The following LRRK2 variants were observed in gnomAD, a reference collection of about 807,000 sequenced individuals.
LRRK2 encodes the protein leucine rich repeat kinase 2.
LRRK2 carries 203 observed loss-of-function variants against 302.6 expected under a neutral mutation model. The ratio of observed to expected loss-of-function variants is 0.67; its 90% CI spans 0.60 to 0.75. LRRK2 has a LOEUF of 0.75. Among genes scored for constraint, LRRK2 ranks in the 30% least tolerant of loss-of-function variants. The pLI, the probability that LRRK2 is intolerant of heterozygous loss-of-function variation, is 0.00. For missense variants in LRRK2, 2,830 were observed against 2,951.0 expected, an observed-to-expected ratio of 0.96 and a Z score of 0.95; for synonymous variants, 1,066 against 1,031.9, an observed-to-expected ratio of 1.03 and a Z score of -0.63.
At chr12:40,329,518 A>G (rs1945649517) in intron 39 of LRRK2, among the ~76,000 whole-genome samples, 1 of 152,172 alleles carries the variant, frequency 6.6e-6, no homozygotes, top group African/African-American at 2.4e-5. Context: ...TCTGAGAACA[A>G]AACCAATAAA....
At chr12:40,309,281 TGTGC>T (rs1182030513) in intron 30 of LRRK2, 48 bp downstream of exon 30, 2 of 1,521,640 alleles carry the variant, frequency 1.3e-6, no homozygotes, top group South Asian at 1.1e-5. Context: ...CATGTGTCTG[TGTGC>T]GTGTGTGTGT....
intron 33 of LRRK2, among the ~76,000 whole-genome samples, chr12:40,317,056 C>T (rs965196641): frequency 6.6e-6 from 1 of 151,994 alleles, no homozygotes; most frequent in African/African-American, 2.4e-5. Flanking sequence ...TGCATCAGAA[C>T]TCCCCTTTTA....
chr12:40,239,905 C>T (rs940351085), intron 5 of LRRK2, among the ~76,000 whole-genome samples: 13 of 152,052 alleles, frequency 8.5e-5, no homozygotes, highest in Non-Finnish European at 1.5e-4. Context: ...AGGTTGTTGC[C>T]CAATAACAAT....
rs1236188021 is a variant in LRRK2, at chr12:40,257,393, T to C, written c.1418+16T>C. The C allele has an allele frequency of 2.5e-6, 4 of 1,609,520 alleles. No homozygotes were observed. Among genetic ancestry groups the C allele is most frequent in the East Asian group, 2.2e-5 (1 of 44,702 alleles). On this transcript the variant is annotated intron_variant, in intron 12 of 50. Transcript: ENST00000298910. Reference sequence around the variant, plus strand: ...TTGAAGGAAGGTAATATAGATTCATTAACTTGTACAGAATATATCATATTG... The same window carrying C: ...TTGAAGGAAGGTAATATAGATTCATCAACTTGTACAGAATATATCATATTG...
At chr12:40,351,421 A>T (rs1946347441) in intron 43 of LRRK2, 118 bp from the exon 44 acceptor site, 2 of 849,038 alleles carry the variant, frequency 2.4e-6, no homozygotes, top group African/African-American at 1.7e-5. Flanking sequence ...GTTGGGTTCC[A>T]GTTTAACAGT....
chr12:40,320,307 T>TA lies in LRRK2; in HGVS notation c.5015+133dup, dbSNP rs1308860965. The TA allele has an allele frequency of 1.8e-5, 12 of 668,978 alleles. No individual in the cohort carries two copies. The African/African-American group carries it at 2.2e-4, about 12-fold the overall frequency. 41.4% of individuals were successfully genotyped at this position (668,978 alleles called of 1,614,324 possible). On this transcript the variant is annotated intron_variant, in intron 34 of 50. Transcript: ENST00000298910. ...TATTTTGCTTCTAGTGTAAACCTCC[T>TA]ACTGACATGTATCATTTATTTTGGA...
At chr12:40,262,982 C>A (rs1942843983) in intron 13 of LRRK2, among the ~76,000 whole-genome samples, 1 of 152,148 alleles carries the variant, frequency 6.6e-6, no homozygotes, top group Non-Finnish European at 1.5e-5. Context: ...CCATAGTATT[C>A]CCAGCATTAA....
Position 40,367,698 on chromosome 12 carries a change from A to T in LRRK2, c.7517A>T (p.Asn2506Ile). 6.2e-7 allele frequency: 1 copy of T among 1,604,614 alleles called. No individual in the cohort carries two copies. ...ATCAATCTTCCACATGAAGTGCAAA[A>T]TTTAGAAAAACACATTGAAGTGAGA... Reference protein sequence around the residue: ...WDINLPHEVQNLEKHIEVRKE... With the variant: ...WDINLPHEVQILEKHIEVRKE... Residue 2506 changes from asparagine to isoleucine, a missense_variant, in exon 51 of 51, where the codon AAT becomes ATT. Asn to Ile is a moderately radical substitution (Grantham distance 149). Around this residue, in one of 3 missense-constraint regions of LRRK2, gnomAD observed 456 missense variants for 456.3 expected, o/e 1.00. Transcript: ENST00000298910.
At chr12:40,237,725 G>A (rs1565669909) in intron 4 of LRRK2, among the ~76,000 whole-genome samples, 2 of 152,130 alleles carry the variant, frequency 1.3e-5, no homozygotes, top group Admixed American at 6.5e-5. Flanking sequence ...TACTGATTGA[G>A]ACTCATGAAA....
At chr12:40,344,001 A>G (rs3943893) in intron 41 of LRRK2, among the ~76,000 whole-genome samples, 116,820 of 152,110 alleles carry the variant, frequency 0.77, 45,710 homozygotes, top group Non-Finnish European at 0.86. Flanking sequence ...TTTGAAAAGG[A>G]GAAGATTAGA....
chr12:40,339,109 GA>G (rs1181162383), intron 40 of LRRK2, among the ~76,000 whole-genome samples: 1 of 152,184 alleles, frequency 6.6e-6, no homozygotes, highest in African/African-American at 2.4e-5. Flanking sequence ...TCATACAATT[GA>G]AAGTTCAGGG....
intron 39 of LRRK2, among the ~76,000 whole-genome samples, chr12:40,330,184 C>T (rs995106931): frequency 5.3e-5 from 8 of 152,084 alleles, no homozygotes; most frequent in African/African-American, 7.2e-5. Context: ...AGAATATCTT[C>T]GAGTAATTTT....
chr12:40,350,658 T>C (rs1946322573), intron 43 of LRRK2, among the ~76,000 whole-genome samples: 1 of 152,170 alleles, frequency 6.6e-6, no homozygotes, highest in Non-Finnish European at 1.5e-5. Flanking sequence ...AGTACAACTA[T>C]AATGACTTTA....
At chr12:40,337,135 A>G (rs910044010) in intron 40 of LRRK2, among the ~76,000 whole-genome samples, 1 of 36,936 alleles carries the variant, frequency 2.7e-5, no homozygotes, top group Non-Finnish European at 6.4e-5. Context: ...GTAGCTATCA[A>G]TCTTCTACCA....
chr12:40,328,527 C>A, intron 39 of LRRK2, 67 bp downstream of exon 39: 3 of 1,242,276 alleles, frequency 2.4e-6, no homozygotes, highest in South Asian at 1.3e-5. Context: ...TCTTATTTTG[C>A]ATACAGTTGT....
chr12:40,297,010 C>A (rs1292150996), intron 23 of LRRK2, among the ~76,000 whole-genome samples: 1 of 152,172 alleles, frequency 6.6e-6, no homozygotes, highest in Non-Finnish European at 1.5e-5. Context: ...CCACCTAATT[C>A]TCATTCGGTC....
At chr12:40,349,713 C>T (rs1277870648) in intron 43 of LRRK2, among the ~76,000 whole-genome samples, 1 of 152,066 alleles carries the variant, frequency 6.6e-6, no homozygotes, top group Non-Finnish European at 1.5e-5. Flanking sequence ...GAAAGGGTCT[C>T]ACTCTGTTGC....
At chr12:40,247,817 T>A (rs948775892) in intron 7 of LRRK2, among the ~76,000 whole-genome samples, 6 of 145,768 alleles carry the variant, frequency 4.1e-5, no homozygotes, top group Admixed American at 3.6e-4. Context: ...CATTTATATA[T>A]AAATATATAT....
At chr12:40,236,935 C>T (rs1941492587) in intron 4 of LRRK2, among the ~76,000 whole-genome samples, 1 of 151,752 alleles carries the variant, frequency 6.6e-6, no homozygotes, top group Non-Finnish European at 1.5e-5. Context: ...AAAAATCTAC[C>T]AACACTGGAA....
Sources: gnomAD v4.1 joint callset for allele counts (sites outside exome capture counted in the v4.1 genomes callset) on GRCh38, gnomAD v4.1.1 for gene constraint, gnomAD v4.1.1 regional missense constraint, MANE v1.5 for transcripts, NCBI Gene and HGNC (gene_info 2026-07-23, HGNC 2026-07-21) for gene names.